Variants in CHRNA7 observed in about 807,000 individuals in gnomAD.
The protein encoded by CHRNA7 is cholinergic receptor nicotinic alpha 7 subunit.
A neutral mutation model predicts 48.0 loss-of-function variants in CHRNA7; 17 were observed. The observed-to-expected ratio is 0.35, with a 90% CI of 0.24 to 0.53. The LOEUF (loss-of-function observed/expected upper bound fraction) is 0.53. CHRNA7 is among the 20% of genes least tolerant of loss of function. The pLI is 0.92. For synonymous variants in CHRNA7, 75 were observed against 242.3 expected (o/e 0.31, Z 6.41); for missense variants, 155 against 577.7 (o/e 0.27, Z 7.50).
intron 2 of CHRNA7, among the ~76,000 whole-genome samples, chr15:32,033,471 T>C (rs1901940414): frequency 6.6e-6 from 1 of 152,216 alleles, no homozygotes; most frequent in South Asian, 2.1e-4. Flanking sequence ...CCTTTGTCTT[T>C]CATCTGCTGC....
At chr15:32,039,823 T>C (rs2049414945) in intron 2 of CHRNA7, among the ~76,000 whole-genome samples, 2 of 152,128 alleles carry the variant, frequency 1.3e-5, no homozygotes, top group African/African-American at 2.4e-5. Context: ...TTGCTGGTTC[T>C]TCAAATTTCT....
At chr15:32,067,184 A>G (rs2049980570) in intron 2 of CHRNA7, among the ~76,000 whole-genome samples, 1 of 152,008 alleles carries the variant, frequency 6.6e-6, no homozygotes, top group Non-Finnish European at 1.5e-5. Context: ...AAAGCTTAAC[A>G]AACTACAGGA....
At chr15:32,098,871 A>AACACAC (rs59894827) in intron 2 of CHRNA7, 27,330 of 134,626 alleles carry the variant, frequency 0.2, 3,294 homozygotes, top group East Asian at 0.47. Context: ...CCCCCCCACC[A>AACACAC]ACACACACAC....
chr15:32,089,903 A>G (rs758471867), intron 2 of CHRNA7, among the ~76,000 whole-genome samples: 30 of 152,280 alleles, frequency 2.0e-4, no homozygotes, highest in Admixed American at 1.1e-3. Flanking sequence ...AGGTTCTTCT[A>G]GTGTTCCTGT....
chr15:32,060,408 T>A (rs2049860688), intron 2 of CHRNA7, among the ~76,000 whole-genome samples: 2 of 152,058 alleles, frequency 1.3e-5, no homozygotes, highest in African/African-American at 4.8e-5. Context: ...ATAGAAAAAA[T>A]AAATTATGCA....
intron 2 of CHRNA7, among the ~76,000 whole-genome samples, chr15:32,057,538 A>T (rs929564534): frequency 1.3e-5 from 2 of 152,218 alleles, no homozygotes; most frequent in South Asian, 4.1e-4. Context: ...TCACTGAAAT[A>T]TATTTCGGGT....
chr15:32,151,020 CCT>C (rs2051617273), intron 4 of CHRNA7, among the ~76,000 whole-genome samples: 1 of 152,086 alleles, frequency 6.6e-6, no homozygotes, highest in East Asian at 1.9e-4. Flanking sequence ...TCAGTCTCCC[CCT>C]TTTTCCCCCT....
intron 2 of CHRNA7, among the ~76,000 whole-genome samples, chr15:32,074,293 G>A (rs1364398053): frequency 6.7e-6 from 1 of 148,376 alleles, no homozygotes; most frequent in Non-Finnish European, 1.5e-5. Context: ...CTTTCCATCT[G>A]TATGTGTTTC....
chr15:32,050,201 A>G (rs2049641709), intron 2 of CHRNA7, among the ~76,000 whole-genome samples: 1 of 152,092 alleles, frequency 6.6e-6, no homozygotes, highest in Non-Finnish European at 1.5e-5. Context: ...CTGCCTTGCT[A>G]GATTGGGGAA....
At chr15:32,140,107 G>A (rs939140647) in intron 4 of CHRNA7, among the ~76,000 whole-genome samples, 2 of 145,696 alleles carry the variant, frequency 1.4e-5, no homozygotes, top group African/African-American at 2.6e-5. Context: ...GGTGTGTGAT[G>A]TTCCCTGCCC....
chr15:32,083,913 A>G (rs1595427704), intron 2 of CHRNA7, among the ~76,000 whole-genome samples: 1 of 152,328 alleles, frequency 6.6e-6, no homozygotes, highest in South Asian at 2.1e-4. Flanking sequence ...TCAGAAGAAG[A>G]AAAGGGTTTA....
intron 2 of CHRNA7, among the ~76,000 whole-genome samples, chr15:32,031,367 A>C (rs1901831635): frequency 6.6e-6 from 1 of 152,180 alleles, no homozygotes; most frequent in African/African-American, 2.4e-5. Context: ...GGTGAAGTTC[A>C]CTTTTTAATC....
chr15:32,050,583 T>C (rs1312127170), intron 2 of CHRNA7, among the ~76,000 whole-genome samples: 18 of 152,204 alleles, frequency 1.2e-4, no homozygotes, highest in Admixed American at 1.2e-3. Flanking sequence ...TCTTTGCCTT[T>C]GGTTTGAATT....
chr15:32,060,533 A>G (rs1056323250), intron 2 of CHRNA7, among the ~76,000 whole-genome samples: 3 of 152,250 alleles, frequency 2.0e-5, no homozygotes, highest in African/African-American at 7.2e-5. Context: ...GAACAATCCA[A>G]TAAAACTAAG....
intron 2 of CHRNA7, among the ~76,000 whole-genome samples, chr15:32,034,877 A>G (rs1375197817): frequency 6.6e-6 from 1 of 152,140 alleles, no homozygotes; most frequent in Non-Finnish European, 1.5e-5. Flanking sequence ...AGGGGAGGGA[A>G]GTAACCGAAT....
intron 4 of CHRNA7, among the ~76,000 whole-genome samples, chr15:32,144,288 T>TA (rs1278951228): frequency 6.6e-6 from 1 of 152,230 alleles, no homozygotes; most frequent in Non-Finnish European, 1.5e-5. Context: ...GATCCACTGT[T>TA]AGTCTGATGG....
In CHRNA7 at chr15:32,149,437, T is replaced by G. The variant is rs1595504071; in HGVS notation, c.351-4470T>G. On this transcript the variant is annotated intron_variant, in intron 4 of 9. Coordinates refer to ENST00000306901, the MANE Select transcript of CHRNA7 (RefSeq NM_000746.6). The surrounding 1 kb of genome is among the most constrained non-coding windows in gnomAD (Gnocchi z 4.6). The stretch of plus-strand genomic sequence containing the variant: ...GTTCTGGCCACTCACATTTCCGAGG[T>G]TCTTCATTTCCCACCTCAGATCACT... Among the ~76,000 whole-genome samples, 1 of 152,254 alleles carries G rather than the reference T, an allele frequency of 6.6e-6. No individual in the cohort carries two copies. The highest frequency in any genetic ancestry group is 2.4e-5 in the African/African-American group (1 of 41,560).
At chr15:32,063,463 C>CCTAA (rs1488215001) in intron 2 of CHRNA7, among the ~76,000 whole-genome samples, 1 of 152,116 alleles carries the variant, frequency 6.6e-6, no homozygotes, top group African/African-American at 2.4e-5. Context: ...TCTAGGAAGT[C>CCTAA]CTAAGCACAG....
intron 2 of CHRNA7, among the ~76,000 whole-genome samples, chr15:32,059,328 T>A (rs1384332894): frequency 1.3e-5 from 2 of 152,240 alleles, no homozygotes; most frequent in Non-Finnish European, 2.9e-5. Context: ...GAATGGATTA[T>A]GCAGTAGCCA....
Sources: gnomAD v4.1 joint callset for allele counts (sites outside exome capture counted in the v4.1 genomes callset) on GRCh38, gnomAD v4.1.1 for gene constraint, Gnocchi (gnomAD v3.1) non-coding constraint, MANE v1.5 for transcripts, NCBI Gene and HGNC (gene_info 2026-07-23, HGNC 2026-07-21) for gene names.